The following INVS variants were observed in gnomAD, a reference collection of about 807,000 sequenced individuals.
The protein encoded by INVS is inversion of embryo turning homolog.
In INVS, 86 loss-of-function variants were observed where a neutral mutation model predicts 108.8. The observed-to-expected ratio is 0.79, with a 90% CI of 0.66 to 0.95. The LOEUF (loss-of-function observed/expected upper bound fraction) is 0.95. Among genes scored for constraint, INVS ranks in the 40% least tolerant of loss-of-function variants. The pLI, the probability that INVS is intolerant of heterozygous loss-of-function variation, is 0.00. For synonymous variants in INVS, 455 were observed against 473.5 expected (o/e 0.96, Z 0.51); for missense variants, 1,169 against 1,297.4 (o/e 0.90, Z 1.52).
chr9:100,121,956 G>A (rs1182538791), intron 2 of INVS, among the ~76,000 whole-genome samples: 3 of 151,892 alleles, frequency 2.0e-5, no homozygotes, highest in African/African-American at 7.3e-5. Context: ...TTAACCCATG[G>A]ATTATCTTAA....
intron 2 of INVS, among the ~76,000 whole-genome samples, chr9:100,125,828 G>A (rs1827866901): frequency 6.6e-6 from 1 of 152,028 alleles, no homozygotes; most frequent in South Asian, 2.1e-4. Context: ...TGGGATTACA[G>A]GCGCCCGCCA....
intron 3 of INVS, among the ~76,000 whole-genome samples, chr9:100,140,097 AGCCCCTG>A (rs1189731677): frequency 4.6e-5 from 7 of 152,200 alleles, no homozygotes; most frequent in African/African-American, 1.4e-4. Context: ...CTCTCTCCCT[AGCCCCTG>A]GCAACCACCA....
chr9:100,116,476 T>C (rs748419814), intron 2 of INVS, among the ~76,000 whole-genome samples: 12 of 152,200 alleles, frequency 7.9e-5, no homozygotes, highest in Admixed American at 1.3e-4. Flanking sequence ...AAAGGCCTTA[T>C]CAAATATGTG....
At chr9:100,128,783 G>A (rs1217768966) in intron 3 of INVS, among the ~76,000 whole-genome samples, 1 of 152,198 alleles carries the variant, frequency 6.6e-6, no homozygotes, top group Non-Finnish European at 1.5e-5. Flanking sequence ...TACTATGAAT[G>A]AGAGTCAGCA....
intron 3 of INVS, among the ~76,000 whole-genome samples, chr9:100,223,447 A>G (rs1220161783): frequency 1.3e-5 from 2 of 152,112 alleles, no homozygotes. Flanking sequence ...AAGATATTTC[A>G]TTTCTTCTTA....
chr9:100,181,081 C>G (rs544353977), intron 3 of INVS, among the ~76,000 whole-genome samples: 1 of 152,122 alleles, frequency 6.6e-6, no homozygotes, highest in East Asian at 1.9e-4. Flanking sequence ...TTCAACACCC[C>G]TTCATGCTAA....
intron 3 of INVS, among the ~76,000 whole-genome samples, chr9:100,164,364 A>G (rs1195659823): frequency 6.6e-6 from 1 of 152,142 alleles, no homozygotes; most frequent in African/African-American, 2.4e-5. Flanking sequence ...AATTTTCTGC[A>G]AATTATAGAT....
chr9:100,225,062 G>GT (rs773615807), intron 3 of INVS, among the ~76,000 whole-genome samples: 5,481 of 140,512 alleles, frequency 0.039, 215 homozygotes, highest in African/African-American at 0.1. Context: ...TGGTTTTTTT[G>GT]TTTTTTTTTT....
At chr9:100,127,665 G>A (rs1056342103) in intron 3 of INVS, among the ~76,000 whole-genome samples, 1 of 152,108 alleles carries the variant, frequency 6.6e-6, no homozygotes, top group Non-Finnish European at 1.5e-5. Flanking sequence ...TTCATTAGTT[G>A]AATGCATAAA....
intron 3 of INVS, among the ~76,000 whole-genome samples, chr9:100,220,675 T>A (rs1374355868): frequency 1.3e-5 from 2 of 152,220 alleles, no homozygotes; most frequent in African/African-American, 2.4e-5. Context: ...GATCAGTTTC[T>A]GTATAGCTCT....
intron 3 of INVS, among the ~76,000 whole-genome samples, chr9:100,225,802 AT>A (rs1356972746): frequency 2.6e-5 from 4 of 152,224 alleles, no homozygotes; most frequent in African/African-American, 9.6e-5. Flanking sequence ...GACTGGTTAA[AT>A]AAAACATGTT....
intron 2 of INVS, chr9:100,117,630 C>T: frequency 1.6e-6 from 1 of 617,718 alleles, no homozygotes; most frequent in East Asian, 2.8e-5. Context: ...CCACCTCCCG[C>T]TGCACCGGCG....
chr9:100,208,063 T>C (rs1830728364), intron 3 of INVS, among the ~76,000 whole-genome samples: 1 of 152,208 alleles, frequency 6.6e-6, no homozygotes, highest in South Asian at 2.1e-4. Flanking sequence ...AATCTGCAAA[T>C]CTTTATTCCT....
At chr9:100,189,295 C>A (rs1259214662) in intron 3 of INVS, among the ~76,000 whole-genome samples, 3 of 150,176 alleles carry the variant, frequency 2.0e-5, no homozygotes, top group Non-Finnish European at 4.4e-5. Context: ...TTTGTTTGTT[C>A]TTGTTTCTTT....
chr9:100,156,994 T>C (rs1406402729), intron 3 of INVS, among the ~76,000 whole-genome samples: 2 of 151,126 alleles, frequency 1.3e-5, no homozygotes, highest in African/African-American at 4.9e-5. Flanking sequence ...TTGTTTATAA[T>C]GGCAAAATAC....
intron 14 of INVS, among the ~76,000 whole-genome samples, chr9:100,295,893 C>T (rs1013686037): frequency 1.3e-5 from 2 of 152,120 alleles, no homozygotes; most frequent in African/African-American, 2.4e-5. Flanking sequence ...TGAATTATAG[C>T]GCGGTAGTGC....
Position 100,264,883 on chromosome 9 carries a change from T to C in INVS, c.1526T>C (p.Leu509Pro), listed in dbSNP as rs1588132845. Residue 509 changes from leucine to proline, a missense_variant, in exon 11 of 17, where the codon CTA (leucine) becomes CCA (proline). Physicochemically the swap from Leu to Pro is moderately conservative, Grantham distance 98. Coordinates refer to ENST00000262457, the MANE Select transcript of INVS (RefSeq NM_014425.5). ...TACCTTGATGCCATTAAATTACTGC[T>C]AGACTTTGCTGCTTTCCCTAATCAG... ...NGYLDAIKLL[L>P]DFAAFPNQME... The C allele has an allele frequency of 2.5e-6, 4 of 1,613,806 alleles. No individual in the cohort carries two copies. In the East Asian group the frequency reaches 8.9e-5, roughly 36 times the overall value.
chr9:100,256,129 T>G (rs1832412582), intron 10 of INVS, among the ~76,000 whole-genome samples: 1 of 152,218 alleles, frequency 6.6e-6, no homozygotes, highest in Non-Finnish European at 1.5e-5. Context: ...AACTTCTTCC[T>G]GGTTTAGTCT....
chr9:100,246,861 A>C, intron 8 of INVS, 74 bp downstream of exon 8: 1 of 1,296,206 alleles, frequency 7.7e-7, no homozygotes, highest in South Asian at 1.2e-5. Flanking sequence ...AAAATTTGTA[A>C]AATAGCAACT....
Sources: allele counts gnomAD v4.1 joint callset (sites outside exome capture counted in the v4.1 genomes callset), GRCh38; gene constraint gnomAD v4.1.1; transcripts MANE v1.5; gene names NCBI Gene and HGNC (gene_info 2026-07-23, HGNC 2026-07-21).